Variants in ANKRD29 observed in about 807,000 individuals in gnomAD.
The protein encoded by ANKRD29 is ankyrin repeat domain 29, also known as ankyrin repeat domain-containing protein 29.
Under a neutral mutation model 38.0 loss-of-function variants are expected in ANKRD29, and 32 were observed. The observed-to-expected ratio is 0.84, with a 90% CI of 0.64 to 1.13. The LOEUF is 1.13. ANKRD29 is among the 50% of genes most tolerant of loss of function. The pLI is 0.00. For missense variants in ANKRD29, 357 were observed against 377.9 expected (o/e 0.94, Z 0.46); for synonymous variants, 135 against 152.4 (o/e 0.89, Z 0.84).
At chr18:23,655,561 T>A (rs889125670) in intron 1 of ANKRD29, among the ~76,000 whole-genome samples, 1 of 151,972 alleles carries the variant, frequency 6.6e-6, no homozygotes, top group South Asian at 2.1e-4. Flanking sequence ...TCTCCTGCCT[T>A]AGCCTCCTGA....
chr18:23,638,755 G>A lies in ANKRD29; in HGVS notation c.330+94C>T, dbSNP rs2060034889. ...TAGGTTTGAGAATCTTGTAAAAAGGGAAACATAAATTCGTACCATAGATGA... is the reference window on the plus strand; with the variant it reads ...TAGGTTTGAGAATCTTGTAAAAAGGAAAACATAAATTCGTACCATAGATGA... On this transcript the variant is annotated intron_variant, in intron 4 of 9. Transcript: ENST00000592179. The A allele has an allele frequency of 3.0e-6, 3 of 1,013,670 alleles. No individual in the cohort carries two copies. In the East Asian group the frequency reaches 8.0e-5, roughly 27 times the overall value. 62.8% of individuals were successfully genotyped at this position (1,013,670 alleles called of 1,614,324 possible).
At chr18:23,636,464 C>T (rs1387358804) in intron 4 of ANKRD29, among the ~76,000 whole-genome samples, 1 of 152,048 alleles carries the variant, frequency 6.6e-6, no homozygotes, top group East Asian at 1.9e-4. Context: ...TAGGGTCTTG[C>T]TACATTGCCC....
chr18:23,636,654 GC>G lies in ANKRD29; in HGVS notation c.330+2194del, dbSNP rs1825947502. Among the ~76,000 whole-genome samples the G allele has an allele frequency of 2.0e-5, 3 of 152,048 alleles. No homozygotes were observed. The South Asian group carries it at 6.2e-4, about 32-fold the overall frequency. On this transcript the variant is annotated intron_variant, in intron 4 of 9. Transcript: ENST00000592179. ...AGTGGCGCAATCATGACTCACTGCAGCCTTGACCTCCCAGGCTCAAGCGATC... is the reference window on the plus strand; with the variant it reads ...AGTGGCGCAATCATGACTCACTGCAGCTTGACCTCCCAGGCTCAAGCGATC...
rs961966140 is a variant in ANKRD29 at position 23,599,003 on chromosome 18, G to A, written c.*2223C>T. The A allele has an allele frequency of 7.9e-5, 12 of 152,290 alleles. No homozygotes were observed. Among genetic ancestry groups the A allele is most frequent in the South Asian group, 4.1e-4 (2 of 4,832 alleles). The allele number at this position is 152,290 out of a possible 1,614,324, so 9.4% of individuals were successfully genotyped here. ...ATCAAAGAATGAATTAATGAAAAAC[G>A]TTTGTAGTTCAGTTAAGCAGATGAT... On this transcript the variant is annotated 3_prime_UTR_variant, in exon 10 of 10. Coordinates refer to ENST00000592179, the MANE Select transcript of ANKRD29 (RefSeq NM_173505.4).
In ANKRD29 at chr18:23,629,900, T is replaced by A. The variant is rs1296205970; in HGVS notation, c.481A>T (p.Ile161Phe). ...LAAQGGYLDVIRLLLASGAKV... is the reference protein window; with the variant it reads ...LAAQGGYLDVFRLLLASGAKV... ...GCTCCTGAAGCCAGCAGTAATCGAA[T>A]AACATCCAAGTAACCACCTTGGGCA... The change falls in exon 6 of 10, where the codon ATT (isoleucine) becomes TTT (phenylalanine). Residue 161 changes from isoleucine (I) to phenylalanine (F), a missense_variant. Transcript: ENST00000592179. 6.2e-7 allele frequency: 1 copy of A among 1,614,136 alleles called. No individual in the cohort carries two copies. The highest frequency in any genetic ancestry group is 2.2e-5 in the East Asian group (1 of 44,894).
intron 9 of ANKRD29, among the ~76,000 whole-genome samples, chr18:23,605,295 G>A (rs923958860): frequency 2.6e-5 from 4 of 152,016 alleles, no homozygotes; most frequent in Non-Finnish European, 5.9e-5. Context: ...ATGCAGTGGT[G>A]CAATCATAGC....
At chr18:23,650,197 G>C (rs746577696) in intron 1 of ANKRD29, among the ~76,000 whole-genome samples, 2 of 152,144 alleles carry the variant, frequency 1.3e-5, no homozygotes, top group Admixed American at 1.3e-4. Context: ...CCAGGCTGGA[G>C]TGCAGTAGCA....
intron 5 of ANKRD29, among the ~76,000 whole-genome samples, chr18:23,630,163 G>A (rs1054406423): frequency 6.6e-6 from 1 of 152,104 alleles, no homozygotes; most frequent in Non-Finnish European, 1.5e-5. Flanking sequence ...GGCGGCTCAC[G>A]CCTGTAATCC....
At chr18:23,615,943 A>ATATATGTATGTAT (rs113353389) in intron 8 of ANKRD29, among the ~76,000 whole-genome samples, 2 of 141,006 alleles carry the variant, frequency 1.4e-5, no homozygotes, top group Non-Finnish European at 3.1e-5. Flanking sequence ...TATAGTATAT[A>ATATATGTATGTAT]ATATATACAT....
intron 9 of ANKRD29, among the ~76,000 whole-genome samples, chr18:23,602,446 G>A (rs1020473289): frequency 6.6e-6 from 1 of 152,136 alleles, no homozygotes; most frequent in Non-Finnish European, 1.5e-5. Flanking sequence ...AGTATCACTC[G>A]AAGGCCTTTC....
rs578222372 is a variant in ANKRD29 at position 23,629,757 on chromosome 18, C to T, written c.528+96G>A. ...AGAAGGGTTTAAAGGATGCCTTGAG[C>T]TTACTGGTTATCTCAGGTATGTGCT... On this transcript the variant is annotated intron_variant, in intron 6 of 9. Transcript: ENST00000592179. The T allele has an allele frequency of 2.1e-5, 20 of 942,642 alleles. No individual in the cohort carries two copies. In the African/African-American group the frequency reaches 2.7e-4, roughly 13 times the overall value. The allele number at this position is 942,642 out of a possible 1,614,324, so 58.4% of individuals were successfully genotyped here.
chr18:23,649,316 T>G, intron 1 of ANKRD29, 123 bp from the exon 2 acceptor site: 1 of 786,390 alleles, frequency 1.3e-6, no homozygotes, highest in Non-Finnish European at 2.1e-6. Flanking sequence ...TTTGAAAGAT[T>G]GATCCTCCAG....
chr18:23,631,092 T>C (rs1023245969), intron 5 of ANKRD29, among the ~76,000 whole-genome samples: 1 of 152,022 alleles, frequency 6.6e-6, no homozygotes, highest in Non-Finnish European at 1.5e-5. Context: ...ATGAGGGTTC[T>C]GCAAGAATTA....
chr18:23,615,546 C>A (rs1000442895), intron 8 of ANKRD29, among the ~76,000 whole-genome samples: 11 of 151,866 alleles, frequency 7.2e-5, no homozygotes, highest in African/African-American at 2.7e-4. Context: ...GTAGCTGGGA[C>A]TACAGGTGCA....
intron 3 of ANKRD29, among the ~76,000 whole-genome samples, chr18:23,644,502 G>A (rs1015683235): frequency 6.6e-6 from 1 of 152,196 alleles, no homozygotes; most frequent in African/African-American, 2.4e-5. Context: ...CTCAAACAAC[G>A]ATCTAGTGTT....
chr18:23,632,074 A>AGTGGGCG (rs2059939620), intron 5 of ANKRD29, among the ~76,000 whole-genome samples: 1 of 152,238 alleles, frequency 6.6e-6, no homozygotes, highest in African/African-American at 2.4e-5. Flanking sequence ...CTGGATTTTC[A>AGTGGGCG]GTGGGCGTCA....
chr18:23,660,558 G>A (rs2145745917), intron 1 of ANKRD29, among the ~76,000 whole-genome samples: 1 of 152,308 alleles, frequency 6.6e-6, no homozygotes, highest in Non-Finnish European at 1.5e-5. Flanking sequence ...TCTAATCCCA[G>A]CACTTTGGGA....
chr18:23,638,063 T>C (rs1303063861), intron 4 of ANKRD29, among the ~76,000 whole-genome samples: 2 of 143,606 alleles, frequency 1.4e-5, no homozygotes, highest in Non-Finnish European at 3.0e-5. Context: ...AGTAGCGTGA[T>C]CTTGGCTCAC....
intron 6 of ANKRD29, among the ~76,000 whole-genome samples, chr18:23,627,130 C>T (rs2059871313): frequency 1.3e-5 from 2 of 152,114 alleles, no homozygotes; most frequent in Admixed American, 6.5e-5. Context: ...TCAGAGAAGA[C>T]GGAACTTGAG....
Sources: allele counts gnomAD v4.1 joint callset (sites outside exome capture counted in the v4.1 genomes callset), GRCh38; gene constraint gnomAD v4.1.1; transcripts MANE v1.5; gene names NCBI Gene and HGNC (gene_info 2026-07-23, HGNC 2026-07-21).